Variants in FARP1 observed in about 807,000 individuals in gnomAD.
The protein encoded by FARP1 is FERM, ARHGEF and pleckstrin domain-containing protein 1.
FARP1 carries 52 observed loss-of-function variants against 128.8 expected under a neutral mutation model. The observed-to-expected ratio is 0.40, with a 90% CI of 0.32 to 0.51. The LOEUF (loss-of-function observed/expected upper bound fraction) is 0.51, where lower values mean the gene tolerates loss of function less well. FARP1 is among the 20% of genes least tolerant of loss of function. FARP1 has a pLI of 0.45. For missense variants in FARP1, 1,333 were observed against 1,367.9 expected (o/e 0.97, Z 0.40); for synonymous variants, 580 against 551.8 (o/e 1.05, Z -0.72).
chr13:98,410,661 T>C, intron 14 of FARP1, 73 bp from the exon 15 acceptor site: 1 of 711,858 alleles, frequency 1.4e-6, no homozygotes, highest in Admixed American at 2.2e-5. Context: ...CATATCACTT[T>C]AATGAGGACA....
intron 1 of FARP1, among the ~76,000 whole-genome samples, chr13:98,209,547 A>G (rs1257414314): frequency 7.1e-6 from 1 of 141,292 alleles, no homozygotes; most frequent in Non-Finnish European, 1.5e-5. Context: ...CTGTAATCCC[A>G]GCACTTTGGG....
chr13:98,349,744 A>G (rs1349579156), intron 3 of FARP1, among the ~76,000 whole-genome samples: 1 of 148,098 alleles, frequency 6.8e-6, no homozygotes, highest in Non-Finnish European at 1.5e-5. Context: ...CTGGTTTCTT[A>G]TAAATAAATA....
chr13:98,153,379 A>G (rs1351118923), intron 1 of FARP1, among the ~76,000 whole-genome samples: 2 of 121,970 alleles, frequency 1.6e-5, no homozygotes, highest in African/African-American at 2.7e-5. Flanking sequence ...TTATATATAA[A>G]TATATAATAA....
chr13:98,321,811 A>G (rs754687462), intron 2 of FARP1, among the ~76,000 whole-genome samples: 2 of 152,244 alleles, frequency 1.3e-5, no homozygotes, highest in Admixed American at 6.5e-5. Flanking sequence ...GATAATATTA[A>G]TCATCTGAGA....
At chr13:98,376,202 G>A (rs1889575749) in intron 5 of FARP1, among the ~76,000 whole-genome samples, 1 of 152,086 alleles carries the variant, frequency 6.6e-6, no homozygotes, top group Non-Finnish European at 1.5e-5. Context: ...TAGTCACCCA[G>A]TTGTGCTATC....
rs1893286413 is a variant in FARP1, at chr13:98,453,265, A to G, written c.*4948A>G. The G allele has an allele frequency of 1.9e-6, 3 of 1,565,374 alleles. No individual in the cohort carries two copies. In the East Asian group the frequency reaches 6.8e-5, roughly 35 times the overall value. On this transcript the variant is annotated 3_prime_UTR_variant, in exon 27 of 27. Transcript: ENST00000319562. ...ACATGTCATTTCTCATCCCTGTGCA[A>G]AAATTCATATAGTAACCAAAATCTT...
chr13:98,370,980 C>G (rs116765636), intron 5 of FARP1, among the ~76,000 whole-genome samples: 3,622 of 152,220 alleles, frequency 0.024, 151 homozygotes, highest in African/African-American at 0.083. Flanking sequence ...GAGGGCCTTT[C>G]GCTGGGGCTG....
Position 98,409,388 on chromosome 13 carries a change from G to T in FARP1, c.1465G>T (p.Gly489Trp), listed in dbSNP as rs3736866. The T allele has an allele frequency of 3.8e-4, 608 of 1,613,916 alleles. No individual in the cohort carries two copies. The highest frequency in any genetic ancestry group is 1.1e-3 in the Admixed American group (68 of 59,992). The change falls in exon 14 of 27, where the codon GGG becomes TGG. Residue 489 changes from glycine (G) to tryptophan (W), a missense_variant. Around this residue, in one of 2 missense-constraint regions of FARP1, gnomAD observed 1,009 missense variants for 969.8 expected, o/e 1.04. Transcript: ENST00000319562. ...HLSELSVNSQ[G>W]GVAPANVTLS... ...TTCCGAGCTGTCTGTGAACTCGCAG[G>T]GGGGAGTGGCCCCTGCCAACGTGAC...
At chr13:98,330,080 A>G (rs932183045) in intron 2 of FARP1, 1 of 152,298 alleles carries the variant, frequency 6.6e-6, no homozygotes, top group Non-Finnish European at 1.5e-5. Context: ...AGGTGAGGGA[A>G]TTAGCCACAA....
At chr13:98,429,219 A>G (rs1264177292) in intron 17 of FARP1, among the ~76,000 whole-genome samples, 2 of 152,228 alleles carry the variant, frequency 1.3e-5, no homozygotes, top group Admixed American at 1.3e-4. Flanking sequence ...AGTACAGAGC[A>G]GGGCAGGCCC....
intron 2 of FARP1, among the ~76,000 whole-genome samples, chr13:98,256,189 A>C (rs548222269): frequency 1.3e-5 from 2 of 152,244 alleles, no homozygotes; most frequent in Non-Finnish European, 2.9e-5. Flanking sequence ...TCATCATTCT[A>C]TACAGGTATT....
chr13:98,340,760 C>T (rs575793865), intron 2 of FARP1: 1 of 152,208 alleles, frequency 6.6e-6, no homozygotes, highest in Non-Finnish European at 1.5e-5. Flanking sequence ...GGGACTCAAA[C>T]CCAGGATTAG....
At chr13:98,411,425 G>T (rs1891191338) in intron 15 of FARP1, among the ~76,000 whole-genome samples, 1 of 152,162 alleles carries the variant, frequency 6.6e-6, no homozygotes, top group Non-Finnish European at 1.5e-5. Flanking sequence ...TAAGCGTTGT[G>T]AACCCAGCTC....
At chr13:98,242,759 G>T (rs941095957) in intron 2 of FARP1, among the ~76,000 whole-genome samples, 8 of 152,202 alleles carry the variant, frequency 5.3e-5, no homozygotes, top group Non-Finnish European at 8.8e-5. Context: ...AGAATATTTT[G>T]TAATGCATGA....
rs1891212644 is a variant in FARP1 at position 98,412,045 on chromosome 13, T to C, written c.1826+11T>C. 1 of 1,612,184 alleles carries C rather than the reference T, an allele frequency of 6.2e-7. No individual in the cohort carries two copies. The highest frequency in any genetic ancestry group is 8.5e-7 in the Non-Finnish European group (1 of 1,178,858). On this transcript the variant is annotated intron_variant, in intron 16 of 26. Coordinates refer to ENST00000319562, the MANE Select transcript of FARP1 (RefSeq NM_005766.4). ...ACGACTTGCCCTGTGGTGAGTACAT[T>C]TCTACTTCCCAGCTACGTTCCTCCC...
intron 1 of FARP1, among the ~76,000 whole-genome samples, chr13:98,149,953 G>A (rs528665926): frequency 1.3e-5 from 2 of 151,544 alleles, no homozygotes; most frequent in African/African-American, 4.8e-5. Context: ...TAGCCAGGAT[G>A]GTCTCGATCT....
intron 16 of FARP1, among the ~76,000 whole-genome samples, chr13:98,416,019 A>G (rs536691168): frequency 1.8e-4 from 28 of 152,392 alleles, no homozygotes; most frequent in African/African-American, 6.7e-4. Context: ...TGCGCTGCGC[A>G]GAGAAAGCGG....
In FARP1 at chr13:98,422,381, A is replaced by G. The variant is rs1028959290; in HGVS notation, c.1827-2191A>G. Among the ~76,000 whole-genome samples, 15 of 152,180 alleles carry G rather than the reference A, an allele frequency of 9.9e-5. 1 individual carries two copies. The highest frequency in any genetic ancestry group is 3.6e-4 in the African/African-American group (15 of 41,440). On this transcript the variant is annotated intron_variant, in intron 16 of 26. Transcript: ENST00000319562. ...TTTAATTAGCAGAGGAGCGGTGCCAATTAAAGCAGCTAAGAGAACGCAGAG... is the reference window on the plus strand; with the variant it reads ...TTTAATTAGCAGAGGAGCGGTGCCAGTTAAAGCAGCTAAGAGAACGCAGAG...
intron 2 of FARP1, among the ~76,000 whole-genome samples, chr13:98,239,465 G>T (rs532531871): frequency 2.6e-5 from 4 of 151,954 alleles, no homozygotes; most frequent in African/African-American, 9.7e-5. Context: ...ATTTTATCCA[G>T]CATTTTTAGC....
Sources: allele counts gnomAD v4.1 joint callset (sites outside exome capture counted in the v4.1 genomes callset), GRCh38; gene constraint gnomAD v4.1.1; regional missense constraint gnomAD v4.1.1; transcripts MANE v1.5; gene names NCBI Gene and HGNC (gene_info 2026-07-23, HGNC 2026-07-21).